Variants in NUBPL observed in about 807,000 individuals in gnomAD.
The protein encoded by NUBPL is NUBP iron-sulfur cluster assembly factor, mitochondrial.
Under a neutral mutation model 45.7 loss-of-function variants are expected in NUBPL, and 31 were observed. The observed-to-expected ratio is 0.68, with a 90% CI of 0.51 to 0.92. The LOEUF (loss-of-function observed/expected upper bound fraction) is 0.92. Among genes scored for constraint, NUBPL ranks in the 40% least tolerant of loss-of-function variants. NUBPL has a pLI of 0.00. For synonymous variants in NUBPL, 144 were observed against 140.9 expected, an observed-to-expected ratio of 1.02 and a Z score of -0.15; for missense variants, 401 against 398.7, an observed-to-expected ratio of 1.01 and a Z score of -0.05.
At chr14:31,803,379 A>G (rs1159444130) in intron 7 of NUBPL, among the ~76,000 whole-genome samples, 4 of 152,212 alleles carry the variant, frequency 2.6e-5, no homozygotes, top group Non-Finnish European at 5.9e-5. Flanking sequence ...TTTGGAAAAC[A>G]TTGAAAATTC....
At chr14:31,629,880 T>C (rs1200899984) in intron 4 of NUBPL, among the ~76,000 whole-genome samples, 1 of 152,148 alleles carries the variant, frequency 6.6e-6, no homozygotes, top group African/African-American at 2.4e-5. Context: ...TCGTACTTCT[T>C]TTCTTTGGAC....
At chr14:31,824,177 T>G (rs1329683207) in intron 7 of NUBPL, among the ~76,000 whole-genome samples, 1 of 152,146 alleles carries the variant, frequency 6.6e-6, no homozygotes, top group African/African-American at 2.4e-5. Flanking sequence ...ATTTAATTAT[T>G]TTAATCCTGT....
intron 7 of NUBPL, among the ~76,000 whole-genome samples, chr14:31,819,379 C>T (rs2039977485): frequency 6.6e-6 from 1 of 152,148 alleles, no homozygotes; most frequent in African/African-American, 2.4e-5. Context: ...TTGGTGTGCT[C>T]ATAATTGTAA....
intron 3 of NUBPL, among the ~76,000 whole-genome samples, chr14:31,586,926 G>T (rs1009264335): frequency 8.5e-5 from 13 of 152,166 alleles, no homozygotes; most frequent in African/African-American, 2.7e-4. Flanking sequence ...ATTGAATTGG[G>T]TCCTTACTCT....
intron 7 of NUBPL, among the ~76,000 whole-genome samples, chr14:31,815,189 T>G (rs2039891168): frequency 6.6e-6 from 1 of 152,086 alleles, no homozygotes; most frequent in African/African-American, 2.4e-5. Flanking sequence ...TTTTTTTCCA[T>G]TTTTTTGTGT....
At chr14:31,739,318 C>T (rs1468192376) in intron 6 of NUBPL, among the ~76,000 whole-genome samples, 1 of 148,988 alleles carries the variant, frequency 6.7e-6, no homozygotes, top group Non-Finnish European at 1.5e-5. Flanking sequence ...CTCCTGACCT[C>T]GGATGATCCG....
chr14:31,828,426 T>C (rs559564711), intron 8 of NUBPL, among the ~76,000 whole-genome samples: 15 of 152,330 alleles, frequency 9.8e-5, no homozygotes, highest in Admixed American at 7.8e-4. Flanking sequence ...CAGTGCCAAT[T>C]GTCTATTAAG....
intron 4 of NUBPL, among the ~76,000 whole-genome samples, chr14:31,608,411 G>T (rs1054840765): frequency 6.6e-5 from 10 of 152,042 alleles, no homozygotes; most frequent in African/African-American, 2.4e-4. Context: ...AAAATTAGCT[G>T]GGCATGGTGG....
rs373830670 is a variant in NUBPL at position 31,749,072 on chromosome 14, A to G, written c.514-38708A>G. 2.3e-3 allele frequency among the ~76,000 whole-genome samples: 350 copies of G among 152,344 alleles called. 1 individual carries two copies. Among genetic ancestry groups the G allele is most frequent in the African/African-American group, 8.0e-3 (334 of 41,578 alleles). ...AATATAGTTGGGATTTTTAAAAAGA[A>G]ATCCGTTCAATCACTCTATATCTTT... On this transcript the variant is annotated intron_variant, in intron 6 of 10. Coordinates refer to ENST00000281081, the MANE Select transcript of NUBPL (RefSeq NM_025152.3).
chr14:31,677,895 G>A (rs1465226380), intron 6 of NUBPL, among the ~76,000 whole-genome samples: 1 of 152,226 alleles, frequency 6.6e-6, no homozygotes, highest in Non-Finnish European at 1.5e-5. Flanking sequence ...AGGGCAGTGA[G>A]TTCTCCCAGA....
rs751660960 is a variant in NUBPL, at chr14:31,671,750, G to T, written c.383-1605G>T. 3.1e-4 allele frequency among the ~76,000 whole-genome samples: 47 copies of T among 152,202 alleles called. 1 individual carries two copies. Among genetic ancestry groups the T allele is most frequent in the Non-Finnish European group, 4.1e-4 (28 of 68,034 alleles). On this transcript the variant is annotated intron_variant, in intron 4 of 10. Coordinates refer to ENST00000281081, the MANE Select transcript of NUBPL (RefSeq NM_025152.3). Reference sequence around the variant, plus strand: ...GAAACTATAAACATACACTCATTGAGTATTCCTTTAATGAAGGACCACGGC... The same window carrying T: ...GAAACTATAAACATACACTCATTGATTATTCCTTTAATGAAGGACCACGGC...
chr14:31,653,960 G>A lies in NUBPL; in HGVS notation c.383-19395G>A, dbSNP rs186579943. 60 of 348,384 alleles carry A rather than the reference G, an allele frequency of 1.7e-4. 1 individual carries two copies. The highest frequency in any genetic ancestry group is 1.6e-3 in the East Asian group (21 of 13,240). The allele number at this position is 348,384 out of a possible 1,614,324, so 21.6% of individuals were successfully genotyped here. On this transcript the variant is annotated intron_variant, in intron 4 of 10. Transcript: ENST00000281081. Reference sequence around the variant, plus strand: ...CCTGACTTCCCACAACAATTGTGTGGTTAGTATCTGTCTCTCCTATTGACT... The same window carrying A: ...CCTGACTTCCCACAACAATTGTGTGATTAGTATCTGTCTCTCCTATTGACT...
intron 6 of NUBPL, among the ~76,000 whole-genome samples, chr14:31,764,332 G>T (rs1345877366): frequency 6.6e-6 from 1 of 152,074 alleles, no homozygotes; most frequent in East Asian, 1.9e-4. Context: ...AGATTACAAG[G>T]GATGTACTAA....
intron 7 of NUBPL, among the ~76,000 whole-genome samples, chr14:31,802,669 G>T (rs1395510693): frequency 6.6e-6 from 1 of 152,136 alleles, no homozygotes; most frequent in African/African-American, 2.4e-5. Flanking sequence ...ACAGAGCAAT[G>T]AGCCAAATAA....
At chr14:31,773,134 A>G (rs2039039283) in intron 6 of NUBPL, among the ~76,000 whole-genome samples, 1 of 152,120 alleles carries the variant, frequency 6.6e-6, no homozygotes, top group Admixed American at 6.6e-5. Context: ...TTATTGTGGC[A>G]TTTATATTTA....
rs111475991 is a variant in NUBPL, at chr14:31,788,827, C to G, written c.607+954C>G. Among the ~76,000 whole-genome samples, 27 of 152,274 alleles carry G rather than the reference C, an allele frequency of 1.8e-4. 1 individual carries two copies. Among genetic ancestry groups the G allele is most frequent in the African/African-American group, 5.8e-4 (24 of 41,562 alleles). ...TGAGATTTTCTAGTCCTCCTTTTCT[C>G]AGGGGCTCTCTCTCCTGCTCATGTC... On this transcript the variant is annotated intron_variant, in intron 7 of 10. Transcript: ENST00000281081.
chr14:31,742,120 A>G (rs764777457), intron 6 of NUBPL, among the ~76,000 whole-genome samples: 4 of 152,116 alleles, frequency 2.6e-5, no homozygotes, highest in Non-Finnish European at 5.9e-5. Flanking sequence ...TCCAGACAAT[A>G]GATATGACCC....
chr14:31,849,244 C>T (rs1174110375), intron 9 of NUBPL, among the ~76,000 whole-genome samples: 2 of 152,158 alleles, frequency 1.3e-5, no homozygotes, highest in Non-Finnish European at 2.9e-5. Context: ...TTGAATAAAG[C>T]ACCACATACA....
chr14:31,716,863 C>T (rs960043092), intron 6 of NUBPL, among the ~76,000 whole-genome samples: 7 of 152,136 alleles, frequency 4.6e-5, no homozygotes, highest in African/African-American at 1.7e-4. Flanking sequence ...CTGAGTGTCA[C>T]CCTTGACTCA....
Sources: allele counts gnomAD v4.1 joint callset (sites outside exome capture counted in the v4.1 genomes callset), GRCh38; gene constraint gnomAD v4.1.1; transcripts MANE v1.5; gene names NCBI Gene and HGNC (gene_info 2026-07-23, HGNC 2026-07-21).